The following EMILIN1 variants were observed in gnomAD, a reference collection of about 807,000 sequenced individuals.
EMILIN1 encodes EMILIN-1.
EMILIN1 carries 49 observed loss-of-function variants against 82.4 expected under a neutral mutation model. The observed-to-expected ratio is 0.59, with a 90% confidence interval of 0.47 to 0.75. The LOEUF (loss-of-function observed/expected upper bound fraction) is 0.75, where lower values mean the gene tolerates loss of function less well. Among genes scored for constraint, EMILIN1 ranks in the 30% least tolerant of loss-of-function variants. The pLI is 0.00. For synonymous variants in EMILIN1, 604 were observed against 602.2 expected, an observed-to-expected ratio of 1.00 and a Z score of -0.04; for missense variants, 1,313 against 1,366.4, an observed-to-expected ratio of 0.96 and a Z score of 0.62.
chr2:27,083,909 G>C lies in EMILIN1; in HGVS notation c.2338G>C (p.Val780Leu). 1 of 1,608,306 alleles carries C rather than the reference G, an allele frequency of 6.2e-7. No individual in the cohort carries two copies. The highest frequency in any genetic ancestry group is 8.5e-7 in the Non-Finnish European group (1 of 1,176,272). The change falls in exon 4 of 8, where the codon GTC (valine) becomes CTC (leucine). Residue 780 changes from valine to leucine, a missense_variant. Coordinates refer to ENST00000380320, the MANE Select transcript of EMILIN1 (RefSeq NM_007046.4). ...GCAGGCAGCCCTGCTGGAGAAGCTG[G>C]TCGGGGGACAGGCGGGCCTGGGCAG... ...QMQAALLEKL[V>L]GGQAGLGRRL...
At position 27,079,103 on chromosome 2, in the gene EMILIN1, G is replaced by A; in HGVS notation, c.38G>A (p.Cys13Tyr). 1 of 1,606,396 alleles carries A rather than the reference G, an allele frequency of 6.2e-7. No individual in the cohort carries two copies. Among genetic ancestry groups the A allele is most frequent in the Non-Finnish European group, 8.5e-7 (1 of 1,176,948 alleles). ...ACCCTCTGGAGCTGCTACCTCTGCT[G>A]CCTGCTGACGGCAGCTGCAGGGGCC... ...PRTLWSCYLC[C>Y]LLTAAAGAAS... Residue 13 changes from cysteine (C) to tyrosine (Y), a missense_variant, in exon 1 of 8, where the codon TGC (cysteine) becomes TAC (tyrosine). Physicochemically the swap from Cys to Tyr is radical, Grantham distance 194. Coordinates refer to ENST00000380320, the MANE Select transcript of EMILIN1 (RefSeq NM_007046.4).
Position 27,082,431 on chromosome 2 carries a change from G to T in EMILIN1, c.860G>T (p.Ser287Ile). Residue 287 changes from serine to isoleucine, a missense_variant, in exon 4 of 8, where the codon AGT becomes ATT. By Grantham distance (142) the Ser-to-Ile change is moderately radical. Coordinates refer to ENST00000380320, the MANE Select transcript of EMILIN1 (RefSeq NM_007046.4). Reference protein sequence around the residue: ...PAPASAPPGPSEELLRQLEQR... With the variant: ...PAPASAPPGPIEELLRQLEQR... Reference sequence around the variant, plus strand: ...CCAGCCTCAGCCCCTCCGGGCCCCAGTGAGGAGCTGCTGCGGCAGCTGGAG... The same window carrying T: ...CCAGCCTCAGCCCCTCCGGGCCCCATTGAGGAGCTGCTGCGGCAGCTGGAG... 1 of 1,597,674 alleles carries T rather than the reference G, an allele frequency of 6.3e-7. No individual in the cohort carries two copies.
Position 27,078,983 on chromosome 2 carries a change from G to C in EMILIN1, c.-83G>C. The C allele has an allele frequency of 8.8e-7, 1 of 1,136,440 alleles. No individual in the cohort carries two copies. Among genetic ancestry groups the C allele is most frequent in the Non-Finnish European group, 1.2e-6 (1 of 831,084 alleles). The allele number at this position is 1,136,440 out of a possible 1,614,324, so 70.4% of individuals were successfully genotyped here. A position where few individuals can be genotyped will look rare whatever the true frequency, so the allele number is the denominator to read the frequency against. ...CGGGCCGGGCTCGGGCTGTCCTGTG[G>C]AGCAGCAGCATCCCCGGGGCCGGCA... On this transcript the variant is annotated 5_prime_UTR_variant, in exon 1 of 8. Transcript: ENST00000380320.
chr2:27,083,572 T>G lies in EMILIN1; in HGVS notation c.2001T>G (p.Thr667=). The change falls in exon 4 of 8, where the codon ACT becomes ACG. Residue 667 remains threonine (T), a synonymous_variant. Transcript: ENST00000380320. ...LNDSLNELQT[T]VEGQGADLAD... is the part of the protein sequence containing the mutation. The stretch of plus-strand genomic sequence containing the variant: ...ACTCACTGAATGAGCTCCAGACCAC[T>G]GTGGAGGGCCAGGGCGCTGATCTGG... 3.1e-6 allele frequency: 5 copies of G among 1,614,050 alleles called. No homozygotes were observed. The highest frequency in any genetic ancestry group is 4.2e-6 in the Non-Finnish European group (5 of 1,179,932).
At chr2:27,084,130 C>A in intron 4 of EMILIN1, 119 bp downstream of exon 4, 3 of 1,144,184 alleles carry the variant, frequency 2.6e-6, no homozygotes, top group Non-Finnish European at 3.6e-6. Flanking sequence ...TGAATTGCAG[C>A]CCCAGCCAGT....
At position 27,082,689 on chromosome 2, in the gene EMILIN1, C is replaced by A; in HGVS notation, c.1118C>A (p.Ala373Asp). 6.4e-7 allele frequency: 1 copy of A among 1,553,776 alleles called. No homozygotes were observed. The highest frequency in any genetic ancestry group is 1.9e-5 in the Admixed American group (1 of 53,402). Residue 373 changes from alanine (A) to aspartate (D), a missense_variant, in exon 4 of 8, where the codon GCC (alanine) becomes GAC (aspartate). Transcript: ENST00000380320. ...CTGGAGCGCAGGCTGGATGTCGTGG[C>A]CGGCTCAGTGACAGTGCTGAGTGGG... ...AELERRLDVV[A>D]GSVTVLSGRR...
In EMILIN1 at chr2:27,078,994, T is replaced by A. The variant is rs1669425918; in HGVS notation, c.-72T>A. 4.1e-6 allele frequency: 5 copies of A among 1,234,548 alleles called. No homozygotes were observed. Among genetic ancestry groups the A allele is most frequent in the Non-Finnish European group, 5.5e-6 (5 of 916,268 alleles). 76.5% of individuals were successfully genotyped at this position (1,234,548 alleles called of 1,614,324 possible). A position where few individuals can be genotyped will look rare whatever the true frequency, so the allele number is the denominator to read the frequency against. ...CGGGCTGTCCTGTGGAGCAGCAGCA[T>A]CCCCGGGGCCGGCAGAGGCGCCAGT... On this transcript the variant is annotated 5_prime_UTR_variant, in exon 1 of 8. Coordinates refer to ENST00000380320, the MANE Select transcript of EMILIN1 (RefSeq NM_007046.4).
At position 27,086,031 on chromosome 2, in the gene EMILIN1, G is replaced by C; in HGVS notation, c.*16G>C. 3 of 1,423,974 alleles carry C rather than the reference G, an allele frequency of 2.1e-6. No individual in the cohort carries two copies. The highest frequency in any genetic ancestry group is 1.9e-6 in the Non-Finnish European group (2 of 1,079,026). The allele number at this position is 1,423,974 out of a possible 1,614,324, so 88.2% of individuals were successfully genotyped here. On this transcript the variant is annotated 3_prime_UTR_variant, in exon 8 of 8. Transcript: ENST00000380320. ...ACACGCGTAGACTGGGGTCCCGCCC[G>C]ACGTGTCTACGTCGGCTGAAGAGAC...
Position 27,082,649 on chromosome 2 carries a change from C to T in EMILIN1, c.1078C>T (p.Arg360Trp), listed in dbSNP as rs747587685. 22 of 1,548,244 alleles carry T rather than the reference C, an allele frequency of 1.4e-5. No homozygotes were observed. The highest frequency in any genetic ancestry group is 2.1e-4 in the Middle Eastern group (1 of 4,688). The change falls in exon 4 of 8, where the codon CGG becomes TGG. Residue 360 changes from arginine to tryptophan, a missense_variant. By Grantham distance (101) the Arg-to-Trp change is moderately radical (BLOSUM62 -3). Transcript: ENST00000380320. ...PQECCSPELG[R>W]RLAELERRLD... Reference sequence around the variant, plus strand: ...GGAATGCTGCTCTCCAGAGCTGGGCCGGCGACTGGCAGAGCTGGAGCGCAG... The same window carrying T: ...GGAATGCTGCTCTCCAGAGCTGGGCTGGCGACTGGCAGAGCTGGAGCGCAG...
In EMILIN1 at chr2:27,078,915, G is replaced by A. The variant is rs2148316704; in HGVS notation, c.-151G>A. The A allele has an allele frequency of 3.6e-6, 2 of 560,390 alleles. No individual in the cohort carries two copies. Among genetic ancestry groups the A allele is most frequent in the East Asian group, 3.5e-5 (1 of 28,844 alleles). The allele number at this position is 560,390 out of a possible 1,614,324, so 34.7% of individuals were successfully genotyped here. On this transcript the variant is annotated 5_prime_UTR_variant, in exon 1 of 8. Coordinates refer to ENST00000380320, the MANE Select transcript of EMILIN1 (RefSeq NM_007046.4). ...AGGGGTCAGGCCAGGCAGCCAAGGA[G>A]AAGACGTGTGGCCGGGGGCTATCAG...
At chr2:27,080,408 T>G in intron 2 of EMILIN1, 138 bp downstream of exon 2, 1 of 1,199,686 alleles carries the variant, frequency 8.3e-7, no homozygotes, top group Non-Finnish European at 1.2e-6. Flanking sequence ...TTTGAGGAGA[T>G]ACTGAGACAA....
In EMILIN1 at chr2:27,083,078, AG is replaced by A; in HGVS notation, c.1510del (p.Val504CysfsTer57). The A allele has an allele frequency of 2.6e-6, 4 of 1,549,398 alleles. No homozygotes were observed. Among genetic ancestry groups the A allele is most frequent in the Non-Finnish European group, 3.5e-6 (4 of 1,146,998 alleles). On this transcript the variant is annotated frameshift_variant, in exon 4 of 8. Transcript: ENST00000380320. LOFTEE classifies it high-confidence loss of function. ...VSEILSALERRVLDSEGQLRL... is the reference protein window; with the variant it reads ...VSEILSALERXVLDSEGQLRL... ...CGAGATCCTCAGTGCCTTGGAGCGC[AG>A]GGTGCTGGACAGTGAGGGGCAGCTG...
chr2:27,078,814 C>T lies in EMILIN1; in HGVS notation c.-252C>T. On this transcript the variant is annotated 5_prime_UTR_variant, in exon 1 of 8. Transcript: ENST00000380320. ...GCCAGAGGGGGCACAGAGAACAAACCCCCTCAGAAGTGAAGAGGAGAGCGG... is the reference window on the plus strand; with the variant it reads ...GCCAGAGGGGGCACAGAGAACAAACTCCCTCAGAAGTGAAGAGGAGAGCGG... 2.3e-6 allele frequency: 1 copy of T among 429,658 alleles called. No individual in the cohort carries two copies. Among genetic ancestry groups the T allele is most frequent in the Non-Finnish European group, 4.1e-6 (1 of 242,460 alleles). The allele number at this position is 429,658 out of a possible 1,614,324, so 26.6% of individuals were successfully genotyped here.
intron 2 of EMILIN1, 95 bp downstream of exon 2, chr2:27,080,365 C>T: frequency 6.6e-7 from 1 of 1,515,426 alleles, no homozygotes; most frequent in Non-Finnish European, 9.0e-7. Flanking sequence ...AAGCAGGGAG[C>T]AAGGGCAGGA....
chr2:27,083,267 C>A lies in EMILIN1; in HGVS notation c.1696C>A (p.Arg566=). The A allele has an allele frequency of 6.2e-7, 1 of 1,612,624 alleles. No homozygotes were observed. ...ACTACGGCTGAATCTCACTGCGGCCCGGCTAGGCCAACTGGAGGGGCTGCT... is the reference window on the plus strand; with the variant it reads ...ACTACGGCTGAATCTCACTGCGGCCAGGCTAGGCCAACTGGAGGGGCTGCT... ...FTLRLNLTAA[R]LGQLEGLLQA... Residue 566 remains arginine, a synonymous_variant, in exon 4 of 8, where the codon CGG becomes AGG. Coordinates refer to ENST00000380320, the MANE Select transcript of EMILIN1 (RefSeq NM_007046.4).
rs1229767802 is a variant in EMILIN1 at position 27,084,497 on chromosome 2, C to T, written c.2523C>T (p.Gly841=). Residue 841 remains glycine, a synonymous_variant, in exon 5 of 8, where the codon GGC becomes GGT. Transcript: ENST00000380320. Reference sequence around the variant, plus strand: ...CTGCTGGACCTCCAGGATCACCAGGCAAGGACGGGCAAGAGGGCCCCATCG... The same window carrying T: ...CTGCTGGACCTCCAGGATCACCAGGTAAGGACGGGCAAGAGGGCCCCATCG... ...PGPAGPPGSP[G]KDGQEGPIGP... 3.1e-6 allele frequency: 5 copies of T among 1,612,866 alleles called. No individual in the cohort carries two copies. Among genetic ancestry groups the T allele is most frequent in the Admixed American group, 1.7e-5 (1 of 60,000 alleles).
chr2:27,080,926 G>A lies in EMILIN1; in HGVS notation c.485G>A (p.Ser162Asn), dbSNP rs543552273. ...RPNLSGSSAG[S>N]PLSGLGGEGP... ...AACCTCTCTGGCTCCAGTGCAGGCA[G>A]CCCCCTCAGTGGACTGGGGGGAGAA... The change falls in exon 3 of 8, where the codon AGC becomes AAC. Residue 162 changes from serine (S) to asparagine (N), a missense_variant. By Grantham distance (46) the Ser-to-Asn change is conservative. Coordinates refer to ENST00000380320, the MANE Select transcript of EMILIN1 (RefSeq NM_007046.4). The A allele has an allele frequency of 1.1e-4, 169 of 1,599,914 alleles. No individual in the cohort carries two copies. The Middle Eastern group carries it at 3.8e-3, about 36-fold the overall frequency.
Position 27,085,799 on chromosome 2 carries a change from C to T in EMILIN1, c.2835C>T (p.Ser945=), listed in dbSNP as rs770157558. Residue 945 remains serine (S), a synonymous_variant, in exon 8 of 8, where the codon TCC becomes TCT. Transcript: ENST00000380320. ...RSNQGVARVD[S]GGYEPEGLEN... is the part of the protein sequence containing the mutation. ...ACCAGGGCGTGGCCCGCGTAGACTC[C>T]GGTGGCTACGAGCCTGAGGGCCTGG... The T allele has an allele frequency of 1.2e-5, 20 of 1,612,480 alleles. No individual in the cohort carries two copies. The highest frequency in any genetic ancestry group is 1.6e-4 in the Middle Eastern group (1 of 6,082).
In EMILIN1 at chr2:27,080,910, G is replaced by A. The variant is rs1416078906; in HGVS notation, c.469G>A (p.Gly157Ser). Reference sequence around the variant, plus strand: ...CCGGCCTGCCCGCCCCAACCTCTCTGGCTCCAGTGCAGGCAGCCCCCTCAG... The same window carrying A: ...CCGGCCTGCCCGCCCCAACCTCTCTAGCTCCAGTGCAGGCAGCCCCCTCAG... ...LARPARPNLS[G>S]SSAGSPLSGL... The change falls in exon 3 of 8, where the codon GGC (glycine) becomes AGC (serine). Residue 157 changes from glycine (G) to serine (S), a missense_variant. By Grantham distance (56) the Gly-to-Ser change is moderately conservative (BLOSUM62 0). Coordinates refer to ENST00000380320, the MANE Select transcript of EMILIN1 (RefSeq NM_007046.4). 6.2e-7 allele frequency: 1 copy of A among 1,606,348 alleles called. No homozygotes were observed. Among genetic ancestry groups the A allele is most frequent in the Non-Finnish European group, 8.5e-7 (1 of 1,176,742 alleles).
Sources: allele counts gnomAD v4.1 joint callset, GRCh38; gene constraint gnomAD v4.1.1; transcripts MANE v1.5; gene names NCBI Gene and HGNC (gene_info 2026-07-23, HGNC 2026-07-21).